Variants in NTNG1 observed in about 807,000 individuals in gnomAD.
NTNG1 encodes the protein netrin G1.
A neutral mutation model predicts 54.0 loss-of-function variants in NTNG1; 16 were observed. The observed-to-expected ratio is 0.30, with a 90% CI of 0.20 to 0.45. NTNG1 has a LOEUF of 0.45. Among genes scored for constraint, NTNG1 ranks in the 20% least tolerant of loss-of-function variants. NTNG1 has a pLI of 1.00. For missense variants in NTNG1, 530 were observed against 678.7 expected, an observed-to-expected ratio of 0.78 and a Z score of 2.43; for synonymous variants, 255 against 263.1, an observed-to-expected ratio of 0.97 and a Z score of 0.30.
At chr1:107,386,752 G>C (rs930654018) in intron 3 of NTNG1, among the ~76,000 whole-genome samples, 4 of 152,136 alleles carry the variant, frequency 2.6e-5, no homozygotes, top group African/African-American at 9.7e-5. Flanking sequence ...TAAATACCTA[G>C]ATGTAAAATT....
At position 107,304,790 on chromosome 1, in the gene NTNG1, A is replaced by G. The variant is rs375134127; in HGVS notation, c.247-19492A>G. The stretch of plus-strand genomic sequence containing the variant: ...ATACATACATGTGCAGAACATGCAG[A>G]TTTGTTACATAGGTATACACATGCC... On this transcript the variant is annotated intron_variant, in intron 2 of 7. Transcript: ENST00000370068. Among the ~76,000 whole-genome samples, 191 of 150,826 alleles carry G rather than the reference A, an allele frequency of 1.3e-3. 1 individual carries two copies. Among genetic ancestry groups the G allele is most frequent in the African/African-American group, 4.5e-3 (186 of 40,948 alleles).
chr1:107,372,687 A>G (rs773140161), intron 3 of NTNG1, among the ~76,000 whole-genome samples: 1 of 152,128 alleles, frequency 6.6e-6, no homozygotes, highest in Non-Finnish European at 1.5e-5. Flanking sequence ...TGTCAAGTCT[A>G]CTATAAACTT....
chr1:107,314,241 A>G (rs1667196733), intron 2 of NTNG1, among the ~76,000 whole-genome samples: 2 of 151,900 alleles, frequency 1.3e-5, no homozygotes, highest in South Asian at 4.2e-4. Context: ...CGTCTCTACT[A>G]AAAATAGATT....
At position 107,361,935 on chromosome 1, in the gene NTNG1, G is replaced by A. The variant is rs74110613; in HGVS notation, c.888-33219G>A. Among the ~76,000 whole-genome samples the A allele has an allele frequency of 5.7e-3, 864 of 152,232 alleles. 8 individuals are homozygous for A. Among genetic ancestry groups the A allele is most frequent in the African/African-American group, 0.019 (781 of 41,532 alleles). ...GTAGAATCTTAGAGCGTGGCTGACA[G>A]GGTCCATGGAGTACTCAGCTGGAAC... On this transcript the variant is annotated intron_variant, in intron 3 of 7. Coordinates refer to ENST00000370068, the MANE Select transcript of NTNG1 (RefSeq NM_001113226.3).
At chr1:107,345,823 G>A (rs1334074467) in intron 3 of NTNG1, among the ~76,000 whole-genome samples, 3 of 152,142 alleles carry the variant, frequency 2.0e-5, no homozygotes, top group Non-Finnish European at 4.4e-5. Flanking sequence ...GGTTATGTAT[G>A]TGACATGGTG....
intron 2 of NTNG1, among the ~76,000 whole-genome samples, chr1:107,175,183 G>C (rs1292373016): frequency 6.6e-6 from 1 of 152,116 alleles, no homozygotes; most frequent in Non-Finnish European, 1.5e-5. Context: ...AGCTTATTGA[G>C]ATGACTGAAG....
chr1:107,207,749 A>C (rs1659302949), intron 2 of NTNG1, among the ~76,000 whole-genome samples: 1 of 152,174 alleles, frequency 6.6e-6, no homozygotes, highest in Admixed American at 6.5e-5. Flanking sequence ...GTGCTCTGTG[A>C]AGTGATAAGA....
At chr1:107,165,039 A>C (rs1655678162) in intron 2 of NTNG1, among the ~76,000 whole-genome samples, 1 of 152,092 alleles carries the variant, frequency 6.6e-6, no homozygotes, top group African/African-American at 2.4e-5. Flanking sequence ...TTTGGCGGGA[A>C]GGGCGGTTAC....
chr1:107,415,003 G>T (rs947428939), intron 5 of NTNG1, among the ~76,000 whole-genome samples: 2 of 151,988 alleles, frequency 1.3e-5, no homozygotes, highest in African/African-American at 4.8e-5. Context: ...CAACTGAAAG[G>T]CATTTCAGAT....
At chr1:107,243,835 C>T (rs988318250) in intron 2 of NTNG1, among the ~76,000 whole-genome samples, 1 of 151,852 alleles carries the variant, frequency 6.6e-6, no homozygotes, top group Non-Finnish European at 1.5e-5. Flanking sequence ...GATAGATATA[C>T]CGATAGAAGA....
intron 1 of NTNG1, among the ~76,000 whole-genome samples, chr1:107,145,784 T>G (rs1654062493): frequency 6.6e-6 from 1 of 152,074 alleles, no homozygotes; most frequent in Non-Finnish European, 1.5e-5. Flanking sequence ...CTCTTCTGCA[T>G]TTTTCCTTGT....
At chr1:107,205,000 TTCCC>T (rs1399473012) in intron 2 of NTNG1, among the ~76,000 whole-genome samples, 1 of 152,122 alleles carries the variant, frequency 6.6e-6, no homozygotes, top group East Asian at 1.9e-4. Flanking sequence ...CTATCATCCC[TTCCC>T]TCTGCCAGAG....
At chr1:107,470,919 G>T (rs927097947) in intron 7 of NTNG1, among the ~76,000 whole-genome samples, 7 of 152,034 alleles carry the variant, frequency 4.6e-5, no homozygotes, top group African/African-American at 1.7e-4. Context: ...CTTTTTTTCA[G>T]GTTGCAAAGG....
intron 3 of NTNG1, among the ~76,000 whole-genome samples, chr1:107,353,852 T>C (rs946759026): frequency 3.9e-5 from 6 of 152,190 alleles, no homozygotes; most frequent in African/African-American, 1.4e-4. Flanking sequence ...CTTTTACTCA[T>C]GGCAGAAGGC....
chr1:107,370,990 C>A (rs1670888915), intron 3 of NTNG1, among the ~76,000 whole-genome samples: 1 of 151,970 alleles, frequency 6.6e-6, no homozygotes, highest in African/African-American at 2.4e-5. Context: ...ATTTTAAATT[C>A]TTTCAGTTTT....
intron 2 of NTNG1, among the ~76,000 whole-genome samples, chr1:107,286,639 A>G (rs1665221271): frequency 6.6e-6 from 1 of 152,204 alleles, no homozygotes; most frequent in African/African-American, 2.4e-5. Context: ...TGAAAGTGAG[A>G]AAAGAGAAAT....
chr1:107,375,639 C>T (rs1165553819), intron 3 of NTNG1, among the ~76,000 whole-genome samples: 1 of 152,154 alleles, frequency 6.6e-6, no homozygotes, highest in Non-Finnish European at 1.5e-5. Flanking sequence ...AGAATGTTGA[C>T]TTATCTTTTG....
chr1:107,450,556 G>A (rs1055658813), intron 7 of NTNG1, among the ~76,000 whole-genome samples: 1 of 151,792 alleles, frequency 6.6e-6, no homozygotes, highest in African/African-American at 2.4e-5. Flanking sequence ...TAAAACGAAA[G>A]CTATGATAAT....
intron 2 of NTNG1, among the ~76,000 whole-genome samples, chr1:107,233,093 A>C (rs1348182830): frequency 6.6e-6 from 1 of 152,194 alleles, no homozygotes; most frequent in Non-Finnish European, 1.5e-5. Flanking sequence ...TGACTGATAC[A>C]TTTGCCTAAA....
Sources: allele counts gnomAD v4.1 joint callset (sites outside exome capture counted in the v4.1 genomes callset), GRCh38; gene constraint gnomAD v4.1.1; transcripts MANE v1.5; gene names NCBI Gene and HGNC (gene_info 2026-07-23, HGNC 2026-07-21).